The following PNOC variants were observed in gnomAD, a reference collection of about 807,000 sequenced individuals.
The protein encoded by PNOC is nociceptin.
A neutral mutation model predicts 15.6 loss-of-function variants in PNOC; 10 were observed. The ratio of observed to expected loss-of-function variants is 0.64; its 90% confidence interval spans 0.40 to 1.09. PNOC has a LOEUF of 1.09. Among genes scored for constraint, PNOC ranks in the 50% least tolerant of loss-of-function variants. PNOC has a pLI of 0.01. For missense variants in PNOC, 220 were observed against 223.9 expected (o/e 0.98, Z 0.11); for synonymous variants, 98 against 88.5 (o/e 1.11, Z -0.60).
intron 2 of PNOC, among the ~76,000 whole-genome samples, chr8:28,338,448 G>A (rs1801451832): frequency 6.6e-6 from 1 of 152,100 alleles, no homozygotes; most frequent in South Asian, 2.1e-4. Flanking sequence ...CGTCCAGCCG[G>A]CCTACCACCC....
intron 1 of PNOC, among the ~76,000 whole-genome samples, chr8:28,321,574 G>A (rs1306121837): frequency 6.6e-6 from 1 of 151,994 alleles, no homozygotes; most frequent in Non-Finnish European, 1.5e-5. Flanking sequence ...CTTACTTCCA[G>A]GAAAGGACAA....
intron 1 of PNOC, among the ~76,000 whole-genome samples, chr8:28,320,172 C>T (rs1197352855): frequency 6.9e-6 from 1 of 145,650 alleles, no homozygotes; most frequent in Non-Finnish European, 1.5e-5. Context: ...ATCATCAGCC[C>T]GGGGGCCCAG....
intron 2 of PNOC, among the ~76,000 whole-genome samples, chr8:28,330,396 A>ATTTTATTTTAT (rs377288105): frequency 5.0e-5 from 4 of 80,454 alleles, no homozygotes; most frequent in South Asian, 4.6e-4. Flanking sequence ...ATTTTATTTT[A>ATTTTATTTTAT]TTTTTTTTTT....
At chr8:28,324,662 G>A (rs190889242) in intron 1 of PNOC, among the ~76,000 whole-genome samples, 6 of 152,222 alleles carry the variant, frequency 3.9e-5, no homozygotes, top group Non-Finnish European at 8.8e-5. Context: ...TCAGGAGTTC[G>A]AGACCAGCTT....
Position 28,330,399 on chromosome 8 carries a change from T to TA in PNOC, c.126+1116_126+1117insA, listed in dbSNP as rs1554517539. 3.0e-4 allele frequency among the ~76,000 whole-genome samples: 31 copies of TA among 104,142 alleles called. No homozygotes were observed. In the South Asian group the frequency reaches 3.1e-3, roughly 10 times the overall value. The allele number at this position is 104,142 out of a possible 152,430, so 68.3% of individuals were successfully genotyped here. A position where few individuals can be genotyped will look rare whatever the true frequency, so the allele number is the denominator to read the frequency against. On this transcript the variant is annotated intron_variant, in intron 2 of 3. Transcript: ENST00000301908. ...TTATTTTATTTTATTTTATTTTATTTTTTTTTTTTTTTTGAGACGGAGTCT... is the reference window on the plus strand; with the variant it reads ...TTATTTTATTTTATTTTATTTTATTTATTTTTTTTTTTTTGAGACGGAGTCT...
chr8:28,325,078 G>A (rs957407078), intron 1 of PNOC, among the ~76,000 whole-genome samples: 1 of 152,142 alleles, frequency 6.6e-6, no homozygotes, highest in Admixed American at 6.5e-5. Flanking sequence ...AGCTGTGATC[G>A]GAAGCAGGCA....
At chr8:28,318,578 T>C (rs551466778) in intron 1 of PNOC, among the ~76,000 whole-genome samples, 69 of 152,230 alleles carry the variant, frequency 4.5e-4, no homozygotes, top group Non-Finnish European at 9.0e-4. Flanking sequence ...TTTTTTCTCA[T>C]TTGTAAAGTG....
Position 28,317,628 on chromosome 8 carries a change from G to A in PNOC, c.-24+312G>A, listed in dbSNP as rs540519585. ...CCCTACGTGGTTGTTGCTCTGTGTC[G>A]AGAGGAGGCTGCTGGAGGAGTGAGG... On this transcript the variant is annotated intron_variant, in intron 1 of 3. Coordinates refer to ENST00000301908, the MANE Select transcript of PNOC (RefSeq NM_006228.5). Among the ~76,000 whole-genome samples, 5 of 152,156 alleles carry A rather than the reference G, an allele frequency of 3.3e-5. No individual in the cohort carries two copies. In the South Asian group the frequency reaches 1.0e-3, roughly 32 times the overall value.
chr8:28,332,709 G>C (rs1262303538), intron 2 of PNOC, among the ~76,000 whole-genome samples: 1 of 152,152 alleles, frequency 6.6e-6, no homozygotes, highest in Non-Finnish European at 1.5e-5. Context: ...CCAGCATTTT[G>C]GGAGGCTGAG....
chr8:28,334,597 C>A (rs1585837149), intron 2 of PNOC, among the ~76,000 whole-genome samples: 2 of 152,244 alleles, frequency 1.3e-5, no homozygotes, highest in African/African-American at 4.8e-5. Flanking sequence ...CAGGCCCAAG[C>A]AATCCTCTCA....
intron 2 of PNOC, among the ~76,000 whole-genome samples, chr8:28,332,285 C>G (rs1023019755): frequency 1.3e-5 from 2 of 152,164 alleles, no homozygotes; most frequent in Non-Finnish European, 2.9e-5. Flanking sequence ...AATCTGGCAG[C>G]CTTTGACTAT....
At chr8:28,330,401 T>TTTTATTTTATTTTATTTTATTTTA (rs1554517541) in intron 2 of PNOC, among the ~76,000 whole-genome samples, 94 of 41,672 alleles carry the variant, frequency 2.3e-3, no homozygotes, top group African/African-American at 5.7e-3. Context: ...ATTTTATTTT[T>TTTTATTTTATTTTATTTTATTTTA]TTTTTTTTTT....
At chr8:28,317,938 C>T (rs572669215) in intron 1 of PNOC, among the ~76,000 whole-genome samples, 1 of 152,098 alleles carries the variant, frequency 6.6e-6, no homozygotes, top group Non-Finnish European at 1.5e-5. Context: ...CACTGCTGAG[C>T]GCCACGGCGT....
chr8:28,334,968 T>G (rs978659721), intron 2 of PNOC, among the ~76,000 whole-genome samples: 3 of 152,206 alleles, frequency 2.0e-5, no homozygotes, highest in Non-Finnish European at 4.4e-5. Context: ...CTAGGTTCCA[T>G]GTGTTAAGCA....
chr8:28,325,341 C>T (rs1801207673), intron 1 of PNOC, among the ~76,000 whole-genome samples: 1 of 151,940 alleles, frequency 6.6e-6, no homozygotes, highest in Non-Finnish European at 1.5e-5. Flanking sequence ...GCAGAGGGAA[C>T]AGCAAGTGCC....
At chr8:28,341,930 GT>G (rs1563332832) in intron 3 of PNOC, among the ~76,000 whole-genome samples, 8 of 152,198 alleles carry the variant, frequency 5.3e-5, no homozygotes, top group Non-Finnish European at 1.0e-4. Context: ...TGATGGAGAT[GT>G]CTCCATCTTG....
intron 3 of PNOC, chr8:28,339,889 T>C (rs1801486565): frequency 6.4e-6 from 1 of 155,096 alleles, no homozygotes; most frequent in African/African-American, 2.4e-5. Flanking sequence ...TCTTAGCCAT[T>C]AGCAGAGTCC....
Position 28,343,223 on chromosome 8 carries a change from G to A in PNOC, c.*329G>A, listed in dbSNP as rs2129920466. 6.5e-6 allele frequency: 1 copy of A among 154,192 alleles called. No individual in the cohort carries two copies. Among genetic ancestry groups the A allele is most frequent in the Admixed American group, 6.5e-5 (1 of 15,314 alleles). The allele number at this position is 154,192 out of a possible 1,614,324, so 9.6% of individuals were successfully genotyped here. ...TTGCCCCTTCTAGGGGCAGGTGAAA[G>A]GAATAGGAAATTGAACCTGGGGTTT... is the stretch of plus-strand genomic sequence containing the variant. On this transcript the variant is annotated 3_prime_UTR_variant, in exon 4 of 4. Transcript: ENST00000301908.
intron 2 of PNOC, among the ~76,000 whole-genome samples, chr8:28,333,884 C>T (rs1247132655): frequency 6.6e-6 from 1 of 152,228 alleles, no homozygotes; most frequent in Non-Finnish European, 1.5e-5. Flanking sequence ...CCTTCTATGA[C>T]TTTCCCAGTG....
Sources: gnomAD v4.1 joint callset for allele counts (sites outside exome capture counted in the v4.1 genomes callset) on GRCh38, gnomAD v4.1.1 for gene constraint, MANE v1.5 for transcripts, NCBI Gene and HGNC (gene_info 2026-07-23, HGNC 2026-07-21) for gene names.